The following FMO3 variants were observed in gnomAD, a reference collection of about 807,000 sequenced individuals.
FMO3 encodes flavin-containing monooxygenase 3.
In FMO3, 40 loss-of-function variants were observed where a neutral mutation model predicts 39.4. The ratio of observed to expected loss-of-function variants is 1.02; its 90% CI spans 0.79 to 1.32. The LOEUF is 1.32. Among genes scored for constraint, FMO3 ranks in the 40% most tolerant of loss-of-function variants. The pLI, the probability that FMO3 is intolerant of heterozygous loss-of-function variation, is 0.00. For missense variants in FMO3, 680 were observed against 651.8 expected (o/e 1.04, Z -0.47); for synonymous variants, 219 against 228.8 (o/e 0.96, Z 0.39).
chr1:171,108,739 G>C (rs1358423556), intron 5 of FMO3, among the ~76,000 whole-genome samples: 2 of 152,106 alleles, frequency 1.3e-5, no homozygotes, highest in African/African-American at 4.8e-5. Context: ...CCAGGCACTG[G>C]GTTGGGTGCT....
intron 5 of FMO3, among the ~76,000 whole-genome samples, chr1:171,110,383 C>T (rs1475109682): frequency 6.6e-6 from 1 of 152,126 alleles, no homozygotes; most frequent in Non-Finnish European, 1.5e-5. Context: ...AATTTGCCTG[C>T]AGCACTGTGA....
intron 2 of FMO3, among the ~76,000 whole-genome samples, chr1:171,096,660 T>G (rs1241951176): frequency 1.1e-5 from 1 of 92,968 alleles, no homozygotes; most frequent in Non-Finnish European, 2.4e-5. Context: ...ATTTTATATT[T>G]AAAATATATA....
At chr1:171,092,551 GT>G in intron 1 of FMO3, 101 bp from the exon 2 acceptor site, 1 of 1,416,726 alleles carries the variant, frequency 7.1e-7, no homozygotes, top group East Asian at 2.3e-5. Context: ...AAAAAGTAAA[GT>G]TTTTATTAAG....
In FMO3 at chr1:171,100,817, C is replaced by G. The variant is rs528486120; in HGVS notation, c.133-2968C>G. On this transcript the variant is annotated intron_variant, in intron 2 of 8. Transcript: ENST00000367755. ...TAACAATGCCCCTCCTCAAAGATATCACATCCAAATTCCTGGAACCTGTAA... is the reference window on the plus strand; with the variant it reads ...TAACAATGCCCCTCCTCAAAGATATGACATCCAAATTCCTGGAACCTGTAA... 334 of 263,768 alleles carry G rather than the reference C, an allele frequency of 1.3e-3. 1 individual carries two copies. The highest frequency in any genetic ancestry group is 2.0e-3 in the Non-Finnish European group (263 of 131,480). The allele number at this position is 263,768 out of a possible 1,614,324, so 16.3% of individuals were successfully genotyped here.
At chr1:171,100,397 G>A (rs908279385) in intron 2 of FMO3, 1 of 152,194 alleles carries the variant, frequency 6.6e-6, no homozygotes, top group Non-Finnish European at 1.5e-5. Context: ...TTGTCCTACT[G>A]GATTTCAAAA....
chr1:171,114,828 A>G (rs1656071204), intron 7 of FMO3, among the ~76,000 whole-genome samples: 1 of 152,216 alleles, frequency 6.6e-6, no homozygotes, highest in Non-Finnish European at 1.5e-5. Flanking sequence ...TTCTACTATT[A>G]TTTTCTTCCC....
In FMO3 at chr1:171,114,331, C is replaced by G. The variant is rs1382743690; in HGVS notation, c.1152C>G (p.Leu384=). The change falls in exon 7 of 9, where the codon CTC becomes CTG. Residue 384 remains leucine (L), a synonymous_variant. Transcript: ENST00000367755. ...SLGAAIPTVD[L]QSRWAAQVIK... Reference sequence around the variant, plus strand: ...GGGCTGCCATTCCCACAGTTGACCTCCAGTCCCGCTGGGCAGCACAAGTAA... The same window carrying G: ...GGGCTGCCATTCCCACAGTTGACCTGCAGTCCCGCTGGGCAGCACAAGTAA... 6.2e-7 allele frequency: 1 copy of G among 1,613,642 alleles called. No individual in the cohort carries two copies. Among genetic ancestry groups the G allele is most frequent in the African/African-American group, 1.3e-5 (1 of 74,882 alleles).
At position 171,110,859 on chromosome 1, in the gene FMO3, C is replaced by T; in HGVS notation, c.689C>T (p.Pro230Leu). The change falls in exon 6 of 9, where the codon CCT (proline) becomes CTT (leucine). Residue 230 changes from proline to leucine, a missense_variant. Pro to Leu is a moderately conservative substitution (Grantham distance 98). Coordinates refer to ENST00000367755, the MANE Select transcript of FMO3 (RefSeq NM_001002294.3). Reference sequence around the variant, plus strand: ...AGCCGGGTCTGGGACAATGGTTATCCTTGGGACATGCTGCTCGTCACTCGA... The same window carrying T: ...AGCCGGGTCTGGGACAATGGTTATCTTTGGGACATGCTGCTCGTCACTCGA... ...VMSRVWDNGY[P>L]WDMLLVTRFG... is the part of the protein sequence containing the mutation. The T allele has an allele frequency of 6.2e-7, 1 of 1,613,952 alleles. No individual in the cohort carries two copies. The highest frequency in any genetic ancestry group is 8.5e-7 in the Non-Finnish European group (1 of 1,179,916).
intron 3 of FMO3, among the ~76,000 whole-genome samples, chr1:171,107,312 G>C (rs1472855004): frequency 2.6e-5 from 4 of 152,070 alleles, no homozygotes; most frequent in Non-Finnish European, 5.9e-5. Context: ...ATCTATCTTT[G>C]AGTTATCTTT....
At chr1:171,109,660 G>T (rs1655815386) in intron 5 of FMO3, among the ~76,000 whole-genome samples, 1 of 148,868 alleles carries the variant, frequency 6.7e-6, no homozygotes, top group South Asian at 2.1e-4. Context: ...TCAGCCTCCT[G>T]AGTAGCTGGG....
Position 171,103,921 on chromosome 1 carries a change from A to G in FMO3, c.269A>G (p.Tyr90Cys), listed in dbSNP as rs1655524382. Residue 90 changes from tyrosine (Y) to cysteine (C), a missense_variant, in exon 3 of 9, where the codon TAT becomes TGT. Tyr to Cys is a radical substitution (Grantham distance 194). Coordinates refer to ENST00000367755, the MANE Select transcript of FMO3 (RefSeq NM_001002294.3). ...ATGCACAACAGCAAGATCCAGGAAT[A>G]TATCATTGCATTTGCCAAAGAAAAG... ...NFMHNSKIQE[Y>C]IIAFAKEKNL... 2 of 1,613,948 alleles carry G rather than the reference A, an allele frequency of 1.2e-6. No homozygotes were observed. Among genetic ancestry groups the G allele is most frequent in the Non-Finnish European group, 1.7e-6 (2 of 1,179,870 alleles).
intron 1 of FMO3, among the ~76,000 whole-genome samples, chr1:171,091,862 C>T (rs375592243): frequency 1.3e-5 from 2 of 151,744 alleles, no homozygotes; most frequent in East Asian, 1.9e-4. Context: ...CCTCATTATC[C>T]GTATCTAAGT....
At chr1:171,091,991 G>A (rs1237111124) in intron 1 of FMO3, among the ~76,000 whole-genome samples, 1 of 151,946 alleles carries the variant, frequency 6.6e-6, no homozygotes, top group Non-Finnish European at 1.5e-5. Context: ...GTGGGTGGGT[G>A]GATGTGTCTA....
chr1:171,103,118 T>C lies in FMO3; in HGVS notation c.133-667T>C, dbSNP rs1021674631. ...ATGCTTGTGCTCATGAGTTGACACA[T>C]TGAAATTATGCAAGGTTGAATTTTG... is the stretch of plus-strand genomic sequence containing the variant. On this transcript the variant is annotated intron_variant, in intron 2 of 8. Coordinates refer to ENST00000367755, the MANE Select transcript of FMO3 (RefSeq NM_001002294.3). 5.3e-5 allele frequency among the ~76,000 whole-genome samples: 8 copies of C among 152,296 alleles called. No individual in the cohort carries two copies. The East Asian group carries it at 5.8e-4, about 11-fold the overall frequency.
chr1:171,098,001 C>T (rs974483803), intron 2 of FMO3, among the ~76,000 whole-genome samples: 2 of 152,166 alleles, frequency 1.3e-5, no homozygotes, highest in Non-Finnish European at 2.9e-5. Flanking sequence ...TTTCAGCTTT[C>T]TACATATGGC....
At chr1:171,096,453 ATATATATTAAATACATAATATATTT>A (rs1483815690) in intron 2 of FMO3, among the ~76,000 whole-genome samples, 21 of 98,790 alleles carry the variant, frequency 2.1e-4, no homozygotes, top group African/African-American at 5.4e-4. Flanking sequence ...TATATATTAA[ATATATATTAAATACATAATATATTT>A]TATATATTAA....
chr1:171,110,357 T>TTGATTAAAATA (rs1184722566), intron 5 of FMO3, among the ~76,000 whole-genome samples: 1 of 152,084 alleles, frequency 6.6e-6, no homozygotes, highest in Non-Finnish European at 1.5e-5. Flanking sequence ...GTAGCAGAGA[T>TTGATTAAAATA]TGATTAAAAT....
At chr1:171,096,950 C>A (rs1325764605) in intron 2 of FMO3, among the ~76,000 whole-genome samples, 3 of 151,312 alleles carry the variant, frequency 2.0e-5, no homozygotes, top group Non-Finnish European at 2.9e-5. Context: ...CTCCCCCCGC[C>A]CCACAACAGG....
chr1:171,104,762 T>TA (rs1342054081), intron 3 of FMO3, among the ~76,000 whole-genome samples: 1 of 152,070 alleles, frequency 6.6e-6, no homozygotes, highest in Non-Finnish European at 1.5e-5. Context: ...TGGTCCCAGC[T>TA]ACTAGGGAGG....
Sources: gnomAD v4.1 joint callset for allele counts (sites outside exome capture counted in the v4.1 genomes callset) on GRCh38, gnomAD v4.1.1 for gene constraint, MANE v1.5 for transcripts, NCBI Gene and HGNC (gene_info 2026-07-23, HGNC 2026-07-21) for gene names.